LOXHD1: variants seen among roughly 807,000 people sequenced by gnomAD.
The protein encoded by LOXHD1 is lipoxygenase homology PLAT domains 1, also known as lipoxygenase homology domain-containing protein 1.
In LOXHD1, 205 loss-of-function variants were observed where a neutral mutation model predicts 248.2. That is an observed-to-expected ratio of 0.83 (90% CI 0.74 to 0.93). LOXHD1 has a LOEUF of 0.93. LOXHD1 is among the 40% of genes least tolerant of loss of function. The pLI is 0.00. For synonymous variants in LOXHD1, 1,113 were observed against 1,162.8 expected, an observed-to-expected ratio of 0.96 and a Z score of 0.87; for missense variants, 2,930 against 2,971.6, an observed-to-expected ratio of 0.99 and a Z score of 0.33.
intron 17 of LOXHD1, among the ~76,000 whole-genome samples, chr18:46,565,281 G>A (rs574657022): frequency 6.6e-6 from 1 of 151,778 alleles, no homozygotes; most frequent in African/African-American, 2.4e-5. Context: ...ATGCAGAGGT[G>A]AGAAGGGACA....
rs1397498902 is a variant in LOXHD1, at chr18:46,560,076, CA to C, written c.3061+6del. ...CTCCCCACCCCCACCCCCCACGACC[CA>C]CTTACGCTCAGGACCCGGCTTGCCA... On this transcript the variant is annotated splice_donor_region_variant and intron_variant, in intron 19 of 40. Transcript: ENST00000642948. 2 of 1,544,536 alleles carry C rather than the reference CA, an allele frequency of 1.3e-6. No individual in the cohort carries two copies. The highest frequency in any genetic ancestry group is 1.8e-6 in the Non-Finnish European group (2 of 1,141,654).
chr18:46,489,028 G>A lies in LOXHD1; in HGVS notation c.5993C>T (p.Thr1998Met), dbSNP rs538782734. The change falls in exon 38 of 41, where the codon ACG becomes ATG. Residue 1998 changes from threonine (T) to methionine (M), a missense_variant. Transcript: ENST00000642948. ...GTTGGCACAGGCAAAGTCGCGGACC[G>A]TCTGCCCGTCACCCTCACTCTTGGA... ...WLSKSEGDGQ[T>M]VRDFACANNK... 164 of 1,551,510 alleles carry A rather than the reference G, an allele frequency of 1.1e-4. No homozygotes were observed. Among genetic ancestry groups the A allele is most frequent in the Admixed American group, 5.3e-4 (27 of 50,976 alleles).
Position 46,591,915 on chromosome 18 carries a change from G to T in LOXHD1, c.1654+18C>A. On this transcript the variant is annotated intron_variant, in intron 12 of 40. Transcript: ENST00000642948. ...GAGTTCCACTGCCTCCCAGGATGGA[G>T]AGCCTGTCAGTACTTACTGCCCATG... The T allele has an allele frequency of 6.4e-7, 1 of 1,551,504 alleles. No homozygotes were observed. The highest frequency in any genetic ancestry group is 8.7e-7 in the Non-Finnish European group (1 of 1,146,790).
rs1193905326 is a variant in LOXHD1 at position 46,489,026 on chromosome 18, C to A, written c.5995G>T (p.Val1999Phe). 6.4e-7 allele frequency: 1 copy of A among 1,551,698 alleles called. No individual in the cohort carries two copies. The highest frequency in any genetic ancestry group is 1.2e-5 in the South Asian group (1 of 84,058). ...TTGTTGGCACAGGCAAAGTCGCGGA[C>A]CGTCTGCCCGTCACCCTCACTCTTG... ...LSKSEGDGQT[V>F]RDFACANNKI... The change falls in exon 38 of 41, where the codon GTC becomes TTC. Residue 1999 changes from valine (V) to phenylalanine (F), a missense_variant. By Grantham distance (50) the Val-to-Phe change is conservative. Transcript: ENST00000642948.
chr18:46,604,148 T>G lies in LOXHD1; in HGVS notation c.841A>C (p.Lys281Gln), dbSNP rs1451534113. The G allele has an allele frequency of 1.3e-6, 2 of 1,551,776 alleles. No individual in the cohort carries two copies. Residue 281 changes from lysine (K) to glutamine (Q), a missense_variant, in exon 7 of 41, where the codon AAA becomes CAA. Physicochemically the swap from Lys to Gln is moderately conservative, Grantham distance 53. Coordinates refer to ENST00000642948, the MANE Select transcript of LOXHD1 (RefSeq NM_001384474.1). ...RWLALDEDDG[K>Q]IQRDILVGGA... ...CCCACTAAGATATCCCTTTGGATTT[T>G]GCCATCGTCTTCGTCCAAGGCCAGC... is the stretch of plus-strand genomic sequence containing the variant.
chr18:46,520,976 G>C (rs926225690), intron 33 of LOXHD1, 121 bp downstream of exon 33: 28 of 1,190,284 alleles, frequency 2.4e-5, no homozygotes, highest in Non-Finnish European at 4.7e-6. Flanking sequence ...CCAGGCTGCA[G>C]CGCCTGCGGA....
intron 12 of LOXHD1, among the ~76,000 whole-genome samples, chr18:46,581,840 T>C (rs942450628): frequency 6.6e-6 from 1 of 152,208 alleles, no homozygotes; most frequent in Admixed American, 6.5e-5. Flanking sequence ...GGATGCTCAA[T>C]ACAATTAACA....
intron 14 of LOXHD1, among the ~76,000 whole-genome samples, chr18:46,574,416 CACA>C (rs1568195059): frequency 1.2e-4 from 18 of 151,186 alleles, no homozygotes; most frequent in Admixed American, 5.3e-4. Flanking sequence ...CACACACACA[CACA>C]CCTGATCCTA....
intron 2 of LOXHD1, among the ~76,000 whole-genome samples, chr18:46,645,771 GA>G (rs370511433): frequency 0.029 from 4,316 of 146,926 alleles, 116 homozygotes; most frequent in African/African-American, 0.072. Flanking sequence ...TCTGTACTAG[GA>G]AAAAAAAAAA....
chr18:46,601,501 A>G, intron 7 of LOXHD1, 34 bp from the exon 8 acceptor site: 4 of 1,551,606 alleles, frequency 2.6e-6, no homozygotes, highest in Admixed American at 2.0e-5. Context: ...AGAGTGTTCA[A>G]TGTGAGCTGC....
chr18:46,492,321 T>C (rs2033543792), intron 37 of LOXHD1, among the ~76,000 whole-genome samples: 1 of 152,180 alleles, frequency 6.6e-6, no homozygotes, highest in Non-Finnish European at 1.5e-5. Context: ...GACTGGGTAA[T>C]TTATAAAGAA....
intron 21 of LOXHD1, among the ~76,000 whole-genome samples, chr18:46,548,296 C>T (rs80152962): frequency 0.013 from 1,942 of 152,318 alleles, 20 homozygotes; most frequent in Non-Finnish European, 0.02. Flanking sequence ...TCAGGGACTG[C>T]TCAAAGTCTG....
intron 33 of LOXHD1, among the ~76,000 whole-genome samples, chr18:46,519,768 G>C (rs376170065): frequency 6.6e-6 from 1 of 152,202 alleles, no homozygotes; most frequent in Non-Finnish European, 1.5e-5. Context: ...CCTTTACACA[G>C]ATACATCTCT....
intron 28 of LOXHD1, among the ~76,000 whole-genome samples, chr18:46,530,127 G>A (rs2035998700): frequency 6.6e-6 from 1 of 152,128 alleles, no homozygotes; most frequent in East Asian, 1.9e-4. Flanking sequence ...GCCCCTCTGT[G>A]TATCCTCTGT....
chr18:46,535,918 C>T (rs1030492817), intron 26 of LOXHD1, among the ~76,000 whole-genome samples: 1 of 152,090 alleles, frequency 6.6e-6, no homozygotes, highest in African/African-American at 2.4e-5. Context: ...CTTTAGGGGA[C>T]AGCTACTCAT....
At chr18:46,570,242 G>A (rs1431171586) in intron 15 of LOXHD1, among the ~76,000 whole-genome samples, 8 of 152,204 alleles carry the variant, frequency 5.3e-5, no homozygotes, top group Non-Finnish European at 2.9e-5. Context: ...TTATCAGCCA[G>A]GAATGTCTGC....
chr18:46,602,538 CG>C (rs913400147), intron 7 of LOXHD1, among the ~76,000 whole-genome samples: 1 of 151,982 alleles, frequency 6.6e-6, no homozygotes, highest in African/African-American at 2.4e-5. Context: ...GGGTCTAAGG[CG>C]GTTGTCACTT....
chr18:46,549,910 A>G (rs1297543677), intron 21 of LOXHD1, among the ~76,000 whole-genome samples: 1 of 152,236 alleles, frequency 6.6e-6, no homozygotes, highest in African/African-American at 2.4e-5. Flanking sequence ...AACCCAGGAC[A>G]CTAAACATAT....
chr18:46,641,913 T>C lies in LOXHD1; in HGVS notation c.326+43A>G, dbSNP rs1460160479. On this transcript the variant is annotated intron_variant, in intron 3 of 40. Coordinates refer to ENST00000642948, the MANE Select transcript of LOXHD1 (RefSeq NM_001384474.1). ...GTCAATATTGAAGTCAATCCCTCACTTTCATCTCCACCCTCAATCCTAGTC... is the reference window on the plus strand; with the variant it reads ...GTCAATATTGAAGTCAATCCCTCACCTTCATCTCCACCCTCAATCCTAGTC... The C allele has an allele frequency of 1.0e-5, 16 of 1,527,144 alleles. No individual in the cohort carries two copies. The East Asian group carries it at 2.2e-4, about 21-fold the overall frequency. The allele number at this position is 1,527,144 out of a possible 1,614,324, so 94.6% of individuals were successfully genotyped here.
Sources: allele counts gnomAD v4.1 joint callset (sites outside exome capture counted in the v4.1 genomes callset), GRCh38; gene constraint gnomAD v4.1.1; transcripts MANE v1.5; gene names NCBI Gene and HGNC (gene_info 2026-07-23, HGNC 2026-07-21).